The following ALDH7A1 variants were observed in gnomAD, a reference collection of about 807,000 sequenced individuals.
ALDH7A1 encodes alpha-aminoadipic semialdehyde dehydrogenase.
In ALDH7A1, 63 loss-of-function variants were observed where a neutral mutation model predicts 79.9. The observed-to-expected ratio is 0.79, with a 90% CI of 0.64 to 0.97. The LOEUF is 0.97. Ranked by LOEUF, ALDH7A1 falls within the 50% of genes least tolerant of loss-of-function variation. The pLI is 0.00. For synonymous variants in ALDH7A1, 240 were observed against 231.2 expected (o/e 1.04, Z -0.34); for missense variants, 627 against 665.2 (o/e 0.94, Z 0.63).
At chr5:126,568,417 A>T in intron 8 of ALDH7A1, 61 bp from the exon 9 acceptor site, 2 of 1,350,190 alleles carry the variant, frequency 1.5e-6, no homozygotes, top group Non-Finnish European at 2.1e-6. Context: ...TACAACATCT[A>T]ATGGTACCCA....
intron 12 of ALDH7A1, 30 bp from the exon 13 acceptor site, chr5:126,554,423 C>A: frequency 6.3e-7 from 1 of 1,595,786 alleles, no homozygotes; most frequent in East Asian, 2.2e-5. Context: ...GCTGGCTCAT[C>A]ATTTTGCCCT....
At chr5:126,562,865 T>C (rs1475996138) in intron 9 of ALDH7A1, among the ~76,000 whole-genome samples, 1 of 152,080 alleles carries the variant, frequency 6.6e-6, no homozygotes, top group Admixed American at 6.5e-5. Flanking sequence ...GTAGACATTA[T>C]GTTAAGTGAA....
At chr5:126,589,471 G>GT (rs1037387607) in intron 3 of ALDH7A1, among the ~76,000 whole-genome samples, 15 of 150,658 alleles carry the variant, frequency 1.0e-4, no homozygotes, top group South Asian at 2.1e-4. Flanking sequence ...TTTTGTTTTT[G>GT]TTTTTTTTAA....
At chr5:126,576,179 C>T (rs1350044907) in intron 6 of ALDH7A1, among the ~76,000 whole-genome samples, 19 of 148,840 alleles carry the variant, frequency 1.3e-4, no homozygotes, top group African/African-American at 3.5e-4. Context: ...AGGAGAATGG[C>T]GTGAACCTGG....
At chr5:126,546,697 T>C (rs556198204) in intron 16 of ALDH7A1, among the ~76,000 whole-genome samples, 1 of 151,572 alleles carries the variant, frequency 6.6e-6, no homozygotes, top group South Asian at 2.1e-4. Context: ...GGTGCATGCC[T>C]GTAACCCCAC....
At chr5:126,559,104 C>T (rs1180300788) in intron 11 of ALDH7A1, 136 bp downstream of exon 11, 1 of 728,660 alleles carries the variant, frequency 1.4e-6, no homozygotes, top group Non-Finnish European at 2.4e-6. Context: ...AGAAAGAGAA[C>T]TGGACCACAT....
intron 8 of ALDH7A1, 120 bp downstream of exon 8, chr5:126,570,662 G>T: frequency 1.0e-6 from 1 of 960,022 alleles, no homozygotes; most frequent in East Asian, 2.4e-5. Flanking sequence ...TAATAATAAT[G>T]ATTTCAAAAA....
chr5:126,569,960 T>A (rs1347799634), intron 8 of ALDH7A1: 1 of 152,232 alleles, frequency 6.6e-6, no homozygotes, highest in African/African-American at 2.4e-5. Flanking sequence ...TCTAAGCTGG[T>A]AAGAACCTCA....
rs1012499903 is a variant in ALDH7A1, at chr5:126,584,121, G to A, written c.313-109C>T. On this transcript the variant is annotated intron_variant, in intron 3 of 17. Transcript: ENST00000409134. ...AACAAATTACAATCATATCAAAGAA[G>A]ACTTTTGATCACATCAAAACTGTGA... 6.1e-6 allele frequency: 6 copies of A among 981,620 alleles called. No homozygotes were observed. In the African/African-American group the frequency reaches 8.0e-5, roughly 13 times the overall value. 60.8% of individuals were successfully genotyped at this position (981,620 alleles called of 1,614,324 possible). A position where few individuals can be genotyped will look rare whatever the true frequency, so the allele number is the denominator to read the frequency against.
intron 7 of ALDH7A1, among the ~76,000 whole-genome samples, chr5:126,574,006 G>A (rs980537307): frequency 8.1e-6 from 1 of 122,978 alleles, no homozygotes; most frequent in African/African-American, 3.8e-5. Flanking sequence ...ATCCAGCCTG[G>A]GCAACAAAGA....
intron 6 of ALDH7A1, 69 bp from the exon 7 acceptor site, chr5:126,575,533 T>A: frequency 7.1e-7 from 1 of 1,399,648 alleles, no homozygotes; most frequent in South Asian, 1.3e-5. Context: ...TACCTTTTAT[T>A]ATCAAACAGA....
chr5:126,555,572 C>G (rs1750163625), intron 12 of ALDH7A1: 1 of 192,864 alleles, frequency 5.2e-6, no homozygotes, highest in Admixed American at 5.4e-5. Flanking sequence ...AGTGAATTAT[C>G]TGATTGCATT....
intron 3 of ALDH7A1, among the ~76,000 whole-genome samples, chr5:126,590,611 C>T (rs2112813207): frequency 6.6e-6 from 1 of 152,148 alleles, no homozygotes; most frequent in African/African-American, 2.4e-5. Context: ...GCAGCTGGGC[C>T]TGGTGGTTCA....
chr5:126,549,874 T>G lies in ALDH7A1; in HGVS notation c.1489+55A>C, dbSNP rs974802519. On this transcript the variant is annotated intron_variant, in intron 16 of 17. Transcript: ENST00000409134. ...TTGGTCAGCCTTTTCTAAAAGCTAC[T>G]ACTGGTTTTTCTTTGCTGCCCAACA... 49 of 1,520,948 alleles carry G rather than the reference T, an allele frequency of 3.2e-5. No homozygotes were observed. In the Middle Eastern group the frequency reaches 6.8e-4, roughly 21 times the overall value. The allele number at this position is 1,520,948 out of a possible 1,614,324, so 94.2% of individuals were successfully genotyped here. A position where few individuals can be genotyped will look rare whatever the true frequency, so the allele number is the denominator to read the frequency against.
At chr5:126,574,039 A>G (rs960203380) in intron 7 of ALDH7A1, among the ~76,000 whole-genome samples, 6 of 151,424 alleles carry the variant, frequency 4.0e-5, no homozygotes, top group East Asian at 1.9e-4. Context: ...AAAAAAAAAA[A>G]AAAAAAAGAA....
chr5:126,582,540 T>G (rs1751212230), intron 5 of ALDH7A1, among the ~76,000 whole-genome samples: 1 of 152,212 alleles, frequency 6.6e-6, no homozygotes, highest in Admixed American at 6.5e-5. Flanking sequence ...ATTATTTACT[T>G]AGATTCTTAA....
At chr5:126,589,788 C>T (rs538851449) in intron 3 of ALDH7A1, among the ~76,000 whole-genome samples, 2 of 151,324 alleles carry the variant, frequency 1.3e-5, no homozygotes, top group African/African-American at 4.9e-5. Context: ...GTGAGGAGCG[C>T]CTCTGCTCGG....
intron 10 of ALDH7A1, 121 bp downstream of exon 10, chr5:126,560,962 G>A (rs534162994): frequency 6.5e-6 from 7 of 1,077,510 alleles, no homozygotes; most frequent in Admixed American, 3.8e-5. Context: ...CTAAACACAG[G>A]AACTAGGTCT....
intron 3 of ALDH7A1, among the ~76,000 whole-genome samples, chr5:126,589,272 C>G (rs1028507779): frequency 6.6e-6 from 1 of 152,066 alleles, no homozygotes; most frequent in African/African-American, 2.4e-5. Context: ...ATTCTCCTGC[C>G]TCAGCCTCCC....
Sources: allele counts gnomAD v4.1 joint callset (sites outside exome capture counted in the v4.1 genomes callset), GRCh38; gene constraint gnomAD v4.1.1; transcripts MANE v1.5; gene names NCBI Gene and HGNC (gene_info 2026-07-23, HGNC 2026-07-21).